RNF169: variants seen among roughly 807,000 people sequenced by gnomAD.
RNF169 encodes ring finger protein 169, also known as E3 ubiquitin-protein ligase RNF169.
A neutral mutation model predicts 53.9 loss-of-function variants in RNF169; 24 were observed. The ratio of observed to expected loss-of-function variants is 0.45; its 90% CI spans 0.32 to 0.63. RNF169 has a LOEUF of 0.63. Ranked by LOEUF, RNF169 falls within the 20% of genes least tolerant of loss-of-function variation. RNF169 has a pLI of 0.04. For synonymous variants in RNF169, 396 were observed against 363.5 expected (o/e 1.09, Z -1.02); for missense variants, 883 against 906.2 (o/e 0.97, Z 0.33).
chr11:74,750,868 T>TTTTTTTG (rs2034881057), intron 1 of RNF169, among the ~76,000 whole-genome samples: 1 of 109,886 alleles, frequency 9.1e-6, no homozygotes, highest in African/African-American at 3.8e-5. Flanking sequence ...TCCCAAGGTT[T>TTTTTTTG]TTTTTTTTTT....
intron 2 of RNF169, among the ~76,000 whole-genome samples, chr11:74,795,524 G>A (rs372229344): frequency 1.4e-3 from 206 of 152,312 alleles, no homozygotes; most frequent in African/African-American, 4.8e-3. Flanking sequence ...ACATATGTGG[G>A]CAAATACAAT....
chr11:74,748,886 G>A lies in RNF169; in HGVS notation c.6G>A (p.Ala2=), dbSNP rs1217074367. 3.5e-6 allele frequency: 5 copies of A among 1,418,040 alleles called. No individual in the cohort carries two copies. The highest frequency in any genetic ancestry group is 4.7e-6 in the Non-Finnish European group (5 of 1,074,532). 87.8% of individuals were successfully genotyped at this position (1,418,040 alleles called of 1,614,324 possible). A position where few individuals can be genotyped will look rare whatever the true frequency, so the allele number is the denominator to read the frequency against. The change falls in exon 1 of 6, where the codon GCG becomes GCA. Residue 2 remains alanine, a synonymous_variant. Transcript: ENST00000299563. M[A]AAGPSTRASS... ...CCCTTCAAACGGGAAACAAGATGGC[G>A]GCTGCAGGTCCGAGTACTCGGGCCT...
chr11:74,771,625 G>GC (rs1250470485), intron 1 of RNF169, among the ~76,000 whole-genome samples: 1 of 152,156 alleles, frequency 6.6e-6, no homozygotes. Context: ...GATTGCTTGA[G>GC]CCCAGGAGTT....
chr11:74,823,940 G>A (rs2036055132), intron 4 of RNF169, among the ~76,000 whole-genome samples: 1 of 152,008 alleles, frequency 6.6e-6, no homozygotes, highest in African/African-American at 2.4e-5. Context: ...CAAACCCAGG[G>A]GTGGGGAGAG....
In RNF169 at chr11:74,837,099, C is replaced by T. The variant is rs1457728535; in HGVS notation, c.*369C>T. On this transcript the variant is annotated 3_prime_UTR_variant, in exon 6 of 6. Coordinates refer to ENST00000299563, the MANE Select transcript of RNF169 (RefSeq NM_001098638.2). ...TCAGCAGGGTATTGTTTTAAATCAGCCTTGCAGATAAAAATTAATTCCATC... is the reference window on the plus strand; with the variant it reads ...TCAGCAGGGTATTGTTTTAAATCAGTCTTGCAGATAAAAATTAATTCCATC... 6.0e-6 allele frequency: 1 copy of T among 166,708 alleles called. No homozygotes were observed. The highest frequency in any genetic ancestry group is 2.4e-5 in the African/African-American group (1 of 41,826). The allele number at this position is 166,708 out of a possible 1,614,324, so 10.3% of individuals were successfully genotyped here.
At chr11:74,786,433 G>C (rs1726331047) in intron 1 of RNF169, among the ~76,000 whole-genome samples, 1 of 151,620 alleles carries the variant, frequency 6.6e-6, no homozygotes, top group Non-Finnish European at 1.5e-5. Context: ...ATTTTTGTTT[G>C]TTTGTTTTTT....
At chr11:74,776,188 C>T (rs2135332212) in intron 1 of RNF169, among the ~76,000 whole-genome samples, 1 of 152,218 alleles carries the variant, frequency 6.6e-6, no homozygotes, top group East Asian at 1.9e-4. Context: ...TCTTTTTCCT[C>T]ACATGTATGT....
At chr11:74,834,628 A>G in intron 4 of RNF169, 48 bp from the exon 5 acceptor site, 2 of 1,387,366 alleles carry the variant, frequency 1.4e-6, no homozygotes, top group Non-Finnish European at 2.0e-6. Flanking sequence ...TTCCTTACCT[A>G]TATATGGACT....
intron 1 of RNF169, among the ~76,000 whole-genome samples, chr11:74,763,250 A>G (rs867003673): frequency 1.3e-5 from 2 of 152,222 alleles, no homozygotes; most frequent in Non-Finnish European, 2.9e-5. Flanking sequence ...AGGTACGTCC[A>G]TACCTTAGAC....
intron 2 of RNF169, among the ~76,000 whole-genome samples, chr11:74,803,769 C>G (rs1237476864): frequency 6.6e-6 from 1 of 152,128 alleles, no homozygotes; most frequent in Admixed American, 6.6e-5. Flanking sequence ...CTCCATGTAT[C>G]CATCACCTAG....
At chr11:74,762,161 C>T (rs1415064056) in intron 1 of RNF169, among the ~76,000 whole-genome samples, 1 of 150,552 alleles carries the variant, frequency 6.6e-6, no homozygotes, top group Non-Finnish European at 1.5e-5. Flanking sequence ...CCATCAGCTC[C>T]TTTAAACACT....
At chr11:74,767,539 C>T (rs2135320648) in intron 1 of RNF169, among the ~76,000 whole-genome samples, 1 of 151,942 alleles carries the variant, frequency 6.6e-6, no homozygotes, top group African/African-American at 2.4e-5. Context: ...CAGGCACGGG[C>T]CACCACGTCT....
chr11:74,836,036 T>C lies in RNF169; in HGVS notation c.1433T>C (p.Val478Ala). The C allele has an allele frequency of 6.2e-7, 1 of 1,614,230 alleles. No homozygotes were observed. Among genetic ancestry groups the C allele is most frequent in the Non-Finnish European group, 8.5e-7 (1 of 1,180,042 alleles). ...CATTCTAGCAAGGAGAAGCCACTTG[T>C]GGCTGTAAATACAAGATTATCTGGT... The part of the protein sequence containing the change: ...GIHSSKEKPL[V>A]AVNTRLSGGQ... Residue 478 changes from valine (V) to alanine (A), a missense_variant, in exon 6 of 6, where the codon GTG becomes GCG. Transcript: ENST00000299563.
Position 74,794,449 on chromosome 11 carries a change from T to C in RNF169, c.576+4750T>C, listed in dbSNP as rs549512205. Reference sequence around the variant, plus strand: ...GGATCGGAAACTTTGATGGTGAAAATTGTAAAAGTAGGATTGCTAGCATAT... The same window carrying C: ...GGATCGGAAACTTTGATGGTGAAAACTGTAAAAGTAGGATTGCTAGCATAT... On this transcript the variant is annotated intron_variant, in intron 2 of 5. Transcript: ENST00000299563. Among the ~76,000 whole-genome samples the C allele has an allele frequency of 1.3e-4, 20 of 152,194 alleles. 1 individual carries two copies. Among genetic ancestry groups the C allele is most frequent in the South Asian group, 1.2e-3 (6 of 4,828 alleles).
intron 4 of RNF169, among the ~76,000 whole-genome samples, chr11:74,823,736 C>T (rs1483247125): frequency 2.7e-5 from 1 of 37,296 alleles, no homozygotes; most frequent in Admixed American, 3.6e-4. Context: ...GACCCTGTCT[C>T]AGAAAAAAAA....
At chr11:74,780,922 A>G (rs1034932084) in intron 1 of RNF169, among the ~76,000 whole-genome samples, 1 of 152,194 alleles carries the variant, frequency 6.6e-6, no homozygotes, top group African/African-American at 2.4e-5. Context: ...CTGCCAAGGC[A>G]ACCAGAACCT....
Position 74,748,859 on chromosome 11 carries a change from C to G in RNF169, c.-22C>G, listed in dbSNP as rs536245493. 9 of 1,384,204 alleles carry G rather than the reference C, an allele frequency of 6.5e-6. No homozygotes were observed. In the African/African-American group the frequency reaches 1.2e-4, roughly 19 times the overall value. 85.7% of individuals were successfully genotyped at this position (1,384,204 alleles called of 1,614,324 possible). ...CCACTCTTCTCCCTCGCAACCGACT[C>G]TCCCTTCAAACGGGAAACAAGATGG... On this transcript the variant is annotated 5_prime_UTR_variant, in exon 1 of 6. Transcript: ENST00000299563.
In RNF169 at chr11:74,841,238, T is replaced by C. The variant is rs2036491630; in HGVS notation, c.*4508T>C. The C allele has an allele frequency of 6.6e-6, 1 of 152,340 alleles. No individual in the cohort carries two copies. The highest frequency in any genetic ancestry group is 3.4e-3 in the Middle Eastern group (1 of 294). The allele number at this position is 152,340 out of a possible 1,614,324, so 9.4% of individuals were successfully genotyped here. A position where few individuals can be genotyped will look rare whatever the true frequency, so the allele number is the denominator to read the frequency against. ...CCTCATCAACCCATAGAGTGGTCTT[T>C]TGAACTGGTATCTAAACATACCTGG... On this transcript the variant is annotated 3_prime_UTR_variant, in exon 6 of 6. Transcript: ENST00000299563.
intron 1 of RNF169, among the ~76,000 whole-genome samples, chr11:74,762,868 C>G (rs2035110536): frequency 2.0e-5 from 3 of 152,152 alleles, no homozygotes; most frequent in African/African-American, 7.2e-5. Flanking sequence ...CTGTATTGCC[C>G]TGGAGCAGAG....
Sources: allele counts gnomAD v4.1 joint callset (sites outside exome capture counted in the v4.1 genomes callset), GRCh38; gene constraint gnomAD v4.1.1; transcripts MANE v1.5; gene names NCBI Gene and HGNC (gene_info 2026-07-23, HGNC 2026-07-21).